The following PTPRZ1 variants were observed in gnomAD, a reference collection of about 807,000 sequenced individuals.
The protein encoded by PTPRZ1 is protein tyrosine phosphatase receptor type Z1, also known as receptor-type tyrosine-protein phosphatase zeta.
In PTPRZ1, 82 loss-of-function variants were observed where a neutral mutation model predicts 214.1. The observed-to-expected ratio is 0.38, with a 90% CI of 0.32 to 0.46. PTPRZ1 has a LOEUF of 0.46. Among genes scored for constraint, PTPRZ1 ranks in the 20% least tolerant of loss-of-function variants. PTPRZ1 has a pLI of 1.00. For missense variants in PTPRZ1, 2,603 were observed against 2,748.7 expected, an observed-to-expected ratio of 0.95 and a Z score of 1.19; for synonymous variants, 945 against 987.9, an observed-to-expected ratio of 0.96 and a Z score of 0.81.
At chr7:121,994,284 C>T (rs1480079744) in intron 8 of PTPRZ1, among the ~76,000 whole-genome samples, 2 of 71,878 alleles carry the variant, frequency 2.8e-5, no homozygotes, top group Non-Finnish European at 5.7e-5. Context: ...AAAATTAATG[C>T]ATTTCTTTTT....
At chr7:121,952,183 C>G (rs1796566467) in intron 2 of PTPRZ1, among the ~76,000 whole-genome samples, 1 of 152,136 alleles carries the variant, frequency 6.6e-6, no homozygotes, top group Non-Finnish European at 1.5e-5. Context: ...TGGTCTGTAT[C>G]TCCTGACCTC....
chr7:122,012,143 G>A lies in PTPRZ1; in HGVS notation c.3097G>A (p.Val1033Met), dbSNP rs1421023432. 6.2e-7 allele frequency: 1 copy of A among 1,613,882 alleles called. No homozygotes were observed. The highest frequency in any genetic ancestry group is 1.1e-5 in the South Asian group (1 of 91,066). ...AGCTGAATTTACATATACAACATCT[G>A]TGTTTGGTGATGATAATAAGGCGCT... ...SVAEFTYTTS[V>M]FGDDNKALSK... The change falls in exon 12 of 30, where the codon GTG becomes ATG. Residue 1033 changes from valine (V) to methionine (M), a missense_variant. This residue lies in a region of PTPRZ1 where 1,913 missense variants were observed against 1,914.3 expected (regional missense o/e 1.00). Coordinates refer to ENST00000393386, the MANE Select transcript of PTPRZ1 (RefSeq NM_002851.3).
At chr7:121,894,373 A>G (rs73437114) in intron 1 of PTPRZ1, among the ~76,000 whole-genome samples, 8,348 of 152,190 alleles carry the variant, frequency 0.055, 583 homozygotes, top group African/African-American at 0.16. Context: ...TCTTTTGTGA[A>G]CTGCTTTTTG....
rs545238677 is a variant in PTPRZ1, at chr7:121,954,977, A to T, written c.125-12974A>T. Among the ~76,000 whole-genome samples, 6 of 152,336 alleles carry T rather than the reference A, an allele frequency of 3.9e-5. No homozygotes were observed. The South Asian group carries it at 1.0e-3, about 26-fold the overall frequency. ...AAGTGTATACAGAAAGGAGGAACCGATGACTCAAATAGGAATCAAGCCAGA... is the reference window on the plus strand; with the variant it reads ...AAGTGTATACAGAAAGGAGGAACCGTTGACTCAAATAGGAATCAAGCCAGA... On this transcript the variant is annotated intron_variant, in intron 2 of 29. Transcript: ENST00000393386.
chr7:121,991,159 A>G (rs1797949730), intron 8 of PTPRZ1, among the ~76,000 whole-genome samples: 1 of 152,194 alleles, frequency 6.6e-6, no homozygotes. Flanking sequence ...AAAAATGGTC[A>G]CCCTATAGGG....
intron 1 of PTPRZ1, among the ~76,000 whole-genome samples, chr7:121,900,714 A>G (rs1265607091): frequency 6.6e-6 from 1 of 152,190 alleles, no homozygotes; most frequent in Non-Finnish European, 1.5e-5. Context: ...GGAGAATGAC[A>G]TAGGACCATA....
In PTPRZ1 at chr7:122,013,791, T is replaced by G; in HGVS notation, c.4745T>G (p.Leu1582Arg). 1.2e-6 allele frequency: 2 copies of G among 1,614,004 alleles called. No homozygotes were observed. The highest frequency in any genetic ancestry group is 8.5e-7 in the Non-Finnish European group (1 of 1,179,830). The part of the protein sequence containing the change: ...DTNEKDADGI[L>R]AAGDSEITPG... The stretch of plus-strand genomic sequence containing the variant: ...AATGAAAAAGATGCTGATGGGATCC[T>G]GGCAGCAGGTGACTCAGAAATAACT... Residue 1582 changes from leucine (L) to arginine (R), a missense_variant, in exon 12 of 30, where the codon CTG becomes CGG. Coordinates refer to ENST00000393386, the MANE Select transcript of PTPRZ1 (RefSeq NM_002851.3).
intron 24 of PTPRZ1, 98 bp from the exon 25 acceptor site, chr7:122,051,768 C>T: frequency 8.9e-7 from 1 of 1,125,978 alleles, no homozygotes. Context: ...CTATATTTTA[C>T]ATCTGGCATG....
intron 1 of PTPRZ1, among the ~76,000 whole-genome samples, chr7:121,878,026 A>G (rs1047765816): frequency 2.0e-4 from 30 of 151,530 alleles, no homozygotes; most frequent in African/African-American, 7.0e-4. Flanking sequence ...TTAGTGTCTT[A>G]TTGAGATTAA....
intron 2 of PTPRZ1, among the ~76,000 whole-genome samples, chr7:121,934,113 T>C (rs1269897108): frequency 6.6e-6 from 1 of 152,156 alleles, no homozygotes; most frequent in East Asian, 1.9e-4. Flanking sequence ...GATGAAACCA[T>C]AGGAGGCAGG....
rs570545843 is a variant in PTPRZ1 at position 121,873,285 on chromosome 7, C to T, written c.-215C>T. The stretch of plus-strand genomic sequence containing the variant: ...CTCCAGATTATTCCTCTCTCGCTGT[C>T]TCTGACTGTCTCTCTCTGTCTCTGT... On this transcript the variant is annotated 5_prime_UTR_variant, in exon 1 of 30. Coordinates refer to ENST00000393386, the MANE Select transcript of PTPRZ1 (RefSeq NM_002851.3). 9.7e-4 allele frequency: 496 copies of T among 513,082 alleles called. No homozygotes were observed. The highest frequency in any genetic ancestry group is 1.4e-3 in the Non-Finnish European group (416 of 289,976). 31.8% of individuals were successfully genotyped at this position (513,082 alleles called of 1,614,324 possible). A position where few individuals can be genotyped will look rare whatever the true frequency, so the allele number is the denominator to read the frequency against.
intron 1 of PTPRZ1, among the ~76,000 whole-genome samples, chr7:121,874,829 T>C (rs1794002663): frequency 2.0e-5 from 3 of 152,196 alleles, no homozygotes; most frequent in Admixed American, 2.0e-4. Context: ...TTATAGTCAG[T>C]TCTGGAGAGG....
intron 27 of PTPRZ1, among the ~76,000 whole-genome samples, chr7:122,055,610 C>T (rs1792323927): frequency 4.6e-5 from 7 of 151,758 alleles, no homozygotes; most frequent in Admixed American, 3.3e-4. Flanking sequence ...GAATATTTTA[C>T]TAAAGTCTTG....
intron 13 of PTPRZ1, among the ~76,000 whole-genome samples, chr7:122,022,780 AT>A (rs1799056770): frequency 6.6e-6 from 1 of 152,170 alleles, no homozygotes; most frequent in African/African-American, 2.4e-5. Flanking sequence ...TTGTCTAAGA[AT>A]TTAACAAAAT....
rs577581812 is a variant in PTPRZ1, at chr7:121,924,942, C to T, written c.59-3214C>T. Reference sequence around the variant, plus strand: ...AATTCCTGCTAATGAATCTGTAGCCCGCTCTATTGTTTTGCACTATTTTGT... The same window carrying T: ...AATTCCTGCTAATGAATCTGTAGCCTGCTCTATTGTTTTGCACTATTTTGT... On this transcript the variant is annotated intron_variant, in intron 1 of 29. Transcript: ENST00000393386. Among the ~76,000 whole-genome samples the T allele has an allele frequency of 2.8e-4, 43 of 152,188 alleles. No homozygotes were observed. The Middle Eastern group carries it at 0.01, about 36-fold the overall frequency.
chr7:121,943,590 G>A (rs984802246), intron 2 of PTPRZ1, among the ~76,000 whole-genome samples: 2 of 152,022 alleles, frequency 1.3e-5, no homozygotes, highest in Admixed American at 1.3e-4. Flanking sequence ...CTCCCGCCTC[G>A]GCCTCCCAAC....
intron 10 of PTPRZ1, among the ~76,000 whole-genome samples, chr7:122,000,710 G>A (rs1798297630): frequency 9.8e-6 from 1 of 101,838 alleles, no homozygotes; most frequent in Non-Finnish European, 1.8e-5. Flanking sequence ...TATTTGAGGT[G>A]GAGTCTTGCT....
chr7:121,928,024 A>T, intron 1 of PTPRZ1, 132 bp from the exon 2 acceptor site: 1 of 687,950 alleles, frequency 1.5e-6, no homozygotes, highest in South Asian at 1.8e-5. Context: ...GTTGAGGTTG[A>T]GAGAACACAT....
At chr7:121,900,521 T>A (rs1284204995) in intron 1 of PTPRZ1, among the ~76,000 whole-genome samples, 2 of 152,206 alleles carry the variant, frequency 1.3e-5, no homozygotes, top group Non-Finnish European at 2.9e-5. Context: ...ACTTACCACA[T>A]GATATGTAAA....
Sources: gnomAD v4.1 joint callset for allele counts (sites outside exome capture counted in the v4.1 genomes callset) on GRCh38, gnomAD v4.1.1 for gene constraint, gnomAD v4.1.1 regional missense constraint, MANE v1.5 for transcripts, NCBI Gene and HGNC (gene_info 2026-07-23, HGNC 2026-07-21) for gene names.